FBXO30: variants seen among roughly 807,000 people sequenced by gnomAD.
The protein encoded by FBXO30 is F-box only protein 30.
In FBXO30, 21 loss-of-function variants were observed where a neutral mutation model predicts 58.1. The ratio of observed to expected loss-of-function variants is 0.36; its 90% CI spans 0.26 to 0.52. The LOEUF is 0.52. Among genes scored for constraint, FBXO30 ranks in the 20% least tolerant of loss-of-function variants. The pLI, the probability that FBXO30 is intolerant of heterozygous loss-of-function variation, is 0.93. For synonymous variants in FBXO30, 309 were observed against 312.4 expected, an observed-to-expected ratio of 0.99 and a Z score of 0.11; for missense variants, 744 against 897.3, an observed-to-expected ratio of 0.83 and a Z score of 2.18.
At chr6:145,804,294 G>C (rs1312007206) in intron 2 of FBXO30, 78 bp downstream of exon 2, 13 of 1,257,590 alleles carry the variant, frequency 1.0e-5, no homozygotes, top group Non-Finnish European at 1.4e-5. Flanking sequence ...TTCTCAACAA[G>C]ATATTAATTG....
At chr6:145,810,873 C>CACACAG (rs1338932268) in intron 1 of FBXO30, among the ~76,000 whole-genome samples, 2 of 152,164 alleles carry the variant, frequency 1.3e-5, no homozygotes, top group Non-Finnish European at 2.9e-5. Context: ...CTACCTCTAA[C>CACACAG]ACACAGACAC....
At chr6:145,811,193 C>T (rs969011964) in intron 1 of FBXO30, among the ~76,000 whole-genome samples, 4 of 151,992 alleles carry the variant, frequency 2.6e-5, no homozygotes, top group Non-Finnish European at 5.9e-5. Flanking sequence ...ATTAAATATA[C>T]GAAGAATTAT....
chr6:145,804,993 A>C lies in FBXO30; in HGVS notation c.1413T>G (p.Ser471Arg), dbSNP rs141905579. The change falls in exon 2 of 3, where the codon AGT (serine) becomes AGG (arginine). Residue 471 changes from serine (S) to arginine (R), a missense_variant. This residue lies in a region of FBXO30 where 334 missense variants were observed against 433.7 expected (regional missense o/e 0.77). Transcript: ENST00000237281. ...CTGAAGCTATCTCCCCAACCATTGT[A>C]CTTGTAGCTAATATTGCAGATGGAA... ...FSLPSAILATSTMVGEIASAS... is the reference protein window; with the variant it reads ...FSLPSAILATRTMVGEIASAS... 4.3e-6 allele frequency: 7 copies of C among 1,613,794 alleles called. No individual in the cohort carries two copies. The highest frequency in any genetic ancestry group is 5.9e-6 in the Non-Finnish European group (7 of 1,179,940).
Position 145,797,439 on chromosome 6 carries a change from C to T in FBXO30, c.*2667G>A, listed in dbSNP as rs552210853. The T allele has an allele frequency of 6.6e-6, 1 of 151,994 alleles. No individual in the cohort carries two copies. The highest frequency in any genetic ancestry group is 1.5e-5 in the Non-Finnish European group (1 of 67,938). The allele number at this position is 151,994 out of a possible 1,614,324, so 9.4% of individuals were successfully genotyped here. A position where few individuals can be genotyped will look rare whatever the true frequency, so the allele number is the denominator to read the frequency against. On this transcript the variant is annotated 3_prime_UTR_variant, in exon 3 of 3. Coordinates refer to ENST00000237281, the MANE Select transcript of FBXO30 (RefSeq NM_032145.5). ...TGCACCAGAGGGTAGCTGGCATGAC[C>T]CAGTCTTCCCTCTAAGTTCTAATAC...
chr6:145,813,008 T>C lies in FBXO30; in HGVS notation c.-17+1595A>G, dbSNP rs149927596. Among the ~76,000 whole-genome samples the C allele has an allele frequency of 4.8e-3, 724 of 152,282 alleles. 3 individuals are homozygous for C. Among genetic ancestry groups the C allele is most frequent in the Non-Finnish European group, 7.3e-3 (495 of 67,998 alleles). On this transcript the variant is annotated intron_variant, in intron 1 of 2. Transcript: ENST00000237281. ...GAATTAAAATATTTATCCAAAATCA[T>C]ACAGAATAGCATAGCGCTTATCCAT...
intron 1 of FBXO30, among the ~76,000 whole-genome samples, chr6:145,814,016 G>A (rs1489845750): frequency 6.6e-6 from 1 of 152,118 alleles, no homozygotes; most frequent in Non-Finnish European, 1.5e-5. Context: ...CGCAGGTCTT[G>A]GAACAACACA....
At position 145,798,909 on chromosome 6, in the gene FBXO30, G is replaced by C. The variant is rs1359071280; in HGVS notation, c.*1197C>G. On this transcript the variant is annotated 3_prime_UTR_variant, in exon 3 of 3. Coordinates refer to ENST00000237281, the MANE Select transcript of FBXO30 (RefSeq NM_032145.5). ...TATTTAAGTATATATTCCCACCTTT[G>C]CAATTTATTTCTAAATACTGATATA... 1 of 151,884 alleles carries C rather than the reference G, an allele frequency of 6.6e-6. No individual in the cohort carries two copies. Among genetic ancestry groups the C allele is most frequent in the Non-Finnish European group, 1.5e-5 (1 of 67,934 alleles). 9.4% of individuals were successfully genotyped at this position (151,884 alleles called of 1,614,324 possible).
In FBXO30 at chr6:145,797,042, A is replaced by C. The variant is rs549744372; in HGVS notation, c.*3064T>G. On this transcript the variant is annotated 3_prime_UTR_variant, in exon 3 of 3. Coordinates refer to ENST00000237281, the MANE Select transcript of FBXO30 (RefSeq NM_032145.5). Reference sequence around the variant, plus strand: ...CCTAAAAATATTTTTTGTAGGATTTAATCCAATATTTGTCTACTTCTACTC... The same window carrying C: ...CCTAAAAATATTTTTTGTAGGATTTCATCCAATATTTGTCTACTTCTACTC... 2 of 151,936 alleles carry C rather than the reference A, an allele frequency of 1.3e-5. No homozygotes were observed. Among genetic ancestry groups the C allele is most frequent in the Admixed American group, 1.3e-4 (2 of 15,226 alleles). 9.4% of individuals were successfully genotyped at this position (151,936 alleles called of 1,614,324 possible). A position where few individuals can be genotyped will look rare whatever the true frequency, so the allele number is the denominator to read the frequency against.
rs1381106699 is a variant in FBXO30 at position 145,805,262 on chromosome 6, A to G, written c.1144T>C (p.Ser382Pro). 4 of 1,614,084 alleles carry G rather than the reference A, an allele frequency of 2.5e-6. No individual in the cohort carries two copies. Among genetic ancestry groups the G allele is most frequent in the South Asian group, 2.2e-5 (2 of 91,082 alleles). ...TTGAATGAAGGAGCATGACTGAAAG[A>G]TAAGACATCCACATTCTTCACGTCC... is the stretch of plus-strand genomic sequence containing the variant. ...LGDVKNVDVL[S>P]FSHAPSFNFL... The change falls in exon 2 of 3, where the codon TCT becomes CCT. Residue 382 changes from serine to proline, a missense_variant. Transcript: ENST00000237281.
rs973855927 is a variant in FBXO30, at chr6:145,794,866, C to T, written c.*5240G>A. 23 of 151,404 alleles carry T rather than the reference C, an allele frequency of 1.5e-4. No individual in the cohort carries two copies. The highest frequency in any genetic ancestry group is 4.1e-4 in the African/African-American group (17 of 41,236). The allele number at this position is 151,404 out of a possible 1,614,324, so 9.4% of individuals were successfully genotyped here. On this transcript the variant is annotated 3_prime_UTR_variant, in exon 3 of 3. Coordinates refer to ENST00000237281, the MANE Select transcript of FBXO30 (RefSeq NM_032145.5). ...AGTTACTTAAATCTAAAATTACTGA[C>T]GAAAATGACTAAATTCAGGGTCACC...
At chr6:145,801,588 C>T (rs2128664968) in intron 2 of FBXO30, among the ~76,000 whole-genome samples, 1 of 152,166 alleles carries the variant, frequency 6.6e-6, no homozygotes, top group African/African-American at 2.4e-5. Context: ...CTCAGGAAAG[C>T]ATGGTAATGT....
Position 145,810,061 on chromosome 6 carries a change from A to C in FBXO30, c.-16-3640T>G, listed in dbSNP as rs182189012. 6.6e-5 allele frequency among the ~76,000 whole-genome samples: 10 copies of C among 152,380 alleles called. 1 individual carries two copies. The highest frequency in any genetic ancestry group is 5.2e-4 in the Admixed American group (8 of 15,314). On this transcript the variant is annotated intron_variant, in intron 1 of 2. Coordinates refer to ENST00000237281, the MANE Select transcript of FBXO30 (RefSeq NM_032145.5). ...GAAAGTCTTTTGGTCCCTTCCAATT[A>C]TAATAGCATTTTACTCTGCTTTGAA...
chr6:145,809,021 T>C (rs1778261512), intron 1 of FBXO30, among the ~76,000 whole-genome samples: 1 of 130,402 alleles, frequency 7.7e-6, no homozygotes, highest in African/African-American at 2.6e-5. Flanking sequence ...TGGTGTTCAA[T>C]GATGTCAAAG....
chr6:145,804,282 A>C lies in FBXO30; in HGVS notation c.2034+90T>G. On this transcript the variant is annotated intron_variant, in intron 2 of 2. Coordinates refer to ENST00000237281, the MANE Select transcript of FBXO30 (RefSeq NM_032145.5). ...TTTAGTAAGTTTTAGGGAATGGTCA[A>C]TTTCTCAACAAGATATTAATTGTAT... The C allele has an allele frequency of 5.8e-6, 7 of 1,197,278 alleles. No homozygotes were observed. In the South Asian group the frequency reaches 1.1e-4, roughly 19 times the overall value. 74.2% of individuals were successfully genotyped at this position (1,197,278 alleles called of 1,614,324 possible).
rs1042900776 is a variant in FBXO30 at position 145,805,197 on chromosome 6, A to C, written c.1209T>G (p.Asp403Glu). Reference protein sequence around the residue: ...SNSCWSKPKEDKAVDTSDLEV... With the variant: ...SNSCWSKPKEEKAVDTSDLEV... The stretch of plus-strand genomic sequence containing the variant: ...CCAAATCTGATGTATCTACTGCTTT[A>C]TCTTCCTTTGGTTTAGACCAACATG... Residue 403 changes from aspartate (D) to glutamate (E), a missense_variant, in exon 2 of 3, where the codon GAT (aspartate) becomes GAG (glutamate). This residue lies in a region of FBXO30 where 334 missense variants were observed against 433.7 expected (regional missense o/e 0.77). Transcript: ENST00000237281. The C allele has an allele frequency of 2.2e-5, 36 of 1,613,968 alleles. No homozygotes were observed. The highest frequency in any genetic ancestry group is 2.9e-5 in the Non-Finnish European group (34 of 1,179,980).
chr6:145,807,451 T>G (rs1203427214), intron 1 of FBXO30, among the ~76,000 whole-genome samples: 1 of 152,182 alleles, frequency 6.6e-6, no homozygotes, highest in Non-Finnish European at 1.5e-5. Context: ...TCAAGTTCCC[T>G]AGTATTGTTG....
chr6:145,814,410 G>C (rs961986781), intron 1 of FBXO30, among the ~76,000 whole-genome samples, 193 bp downstream of exon 1: 1 of 152,074 alleles, frequency 6.6e-6, no homozygotes. Flanking sequence ...AGGGCGCCCG[G>C]ACGGCCGACC....
Position 145,804,983 on chromosome 6 carries a change from C to G in FBXO30, c.1423G>C (p.Gly475Arg). ...SAILATSTMVGEIASASACDH... is the reference protein window; with the variant it reads ...SAILATSTMVREIASASACDH... Reference sequence around the variant, plus strand: ...CAAGCTGAAGCTGAAGCTATCTCCCCAACCATTGTACTTGTAGCTAATATT... The same window carrying G: ...CAAGCTGAAGCTGAAGCTATCTCCCGAACCATTGTACTTGTAGCTAATATT... The change falls in exon 2 of 3, where the codon GGG becomes CGG. Residue 475 changes from glycine to arginine, a missense_variant. Coordinates refer to ENST00000237281, the MANE Select transcript of FBXO30 (RefSeq NM_032145.5). 1 of 1,613,874 alleles carries G rather than the reference C, an allele frequency of 6.2e-7. No homozygotes were observed.
chr6:145,806,291 C>T lies in FBXO30; in HGVS notation c.115G>A (p.Ala39Thr), dbSNP rs1778165152. 7 of 1,613,852 alleles carry T rather than the reference C, an allele frequency of 4.3e-6. No homozygotes were observed. The highest frequency in any genetic ancestry group is 2.2e-5 in the East Asian group (1 of 44,892). ...TCAGCTTTACAAGAATGGAAAACTG[C>T]ACCACAAACCAATGGACAACCAATC... Reference protein sequence around the residue: ...DLIGCPLVCGAVFHSCKADEH... With the variant: ...DLIGCPLVCGTVFHSCKADEH... The change falls in exon 2 of 3, where the codon GCA becomes ACA. Residue 39 changes from alanine to threonine, a missense_variant. Ala to Thr is a moderately conservative substitution (Grantham distance 58). Around this residue, in one of 3 missense-constraint regions of FBXO30, gnomAD observed 135 missense variants for 201.6 expected, o/e 0.67. Coordinates refer to ENST00000237281, the MANE Select transcript of FBXO30 (RefSeq NM_032145.5).
Sources: allele counts gnomAD v4.1 joint callset (sites outside exome capture counted in the v4.1 genomes callset), GRCh38; gene constraint gnomAD v4.1.1; regional missense constraint gnomAD v4.1.1; transcripts MANE v1.5; gene names NCBI Gene and HGNC (gene_info 2026-07-23, HGNC 2026-07-21).